Variants in ARNT2 observed in about 807,000 individuals in gnomAD.
The protein encoded by ARNT2 is aryl hydrocarbon receptor nuclear translocator 2, also known as ARNT protein 2.
Under a neutral mutation model 91.7 loss-of-function variants are expected in ARNT2, and 36 were observed. The ratio of observed to expected loss-of-function variants is 0.39; its 90% CI spans 0.30 to 0.52. The LOEUF is 0.52. ARNT2 is among the 20% of genes least tolerant of loss of function. ARNT2 has a pLI of 0.72. For synonymous variants in ARNT2, 365 were observed against 347.1 expected, an observed-to-expected ratio of 1.05 and a Z score of -0.57; for missense variants, 775 against 939.3, an observed-to-expected ratio of 0.83 and a Z score of 2.29.
intron 2 of ARNT2, among the ~76,000 whole-genome samples, chr15:80,457,375 C>T (rs891873681): frequency 6.6e-6 from 1 of 152,188 alleles, no homozygotes; most frequent in African/African-American, 2.4e-5. Flanking sequence ...ATGTCCTTTT[C>T]ACTTTGACTC....
chr15:80,439,266 A>G (rs1180367025), intron 1 of ARNT2, among the ~76,000 whole-genome samples: 2 of 152,156 alleles, frequency 1.3e-5, no homozygotes, highest in Non-Finnish European at 2.9e-5. Context: ...TATTTGTAGT[A>G]TTGATGTTGT....
At chr15:80,581,123 G>A (rs1305213879) in intron 16 of ARNT2, 116 bp from the exon 17 acceptor site, 4 of 1,252,742 alleles carry the variant, frequency 3.2e-6, no homozygotes, top group Non-Finnish European at 4.6e-6. Flanking sequence ...GAGGGTCATG[G>A]GGAGTCACTG....
At chr15:80,418,043 T>A (rs1895811885) in intron 1 of ARNT2, among the ~76,000 whole-genome samples, 1 of 152,186 alleles carries the variant, frequency 6.6e-6, no homozygotes, top group Admixed American at 6.5e-5. Context: ...ACACAGTAGG[T>A]GCTCTGTAAG....
chr15:80,526,245 TA>T (rs1897638566), intron 8 of ARNT2, among the ~76,000 whole-genome samples: 1 of 152,338 alleles, frequency 6.6e-6, no homozygotes, highest in South Asian at 2.1e-4. Context: ...GGAAGAGTTC[TA>T]AAGTCAATCA....
intron 15 of ARNT2, among the ~76,000 whole-genome samples, chr15:80,577,418 A>T (rs116726671): frequency 0.019 from 2,869 of 152,290 alleles, 101 homozygotes; most frequent in African/African-American, 0.065. Flanking sequence ...CAGGGTGTCC[A>T]ACCTTCCCAA....
At chr15:80,510,631 C>T (rs903208383) in intron 6 of ARNT2, among the ~76,000 whole-genome samples, 2 of 151,854 alleles carry the variant, frequency 1.3e-5, no homozygotes, top group African/African-American at 4.8e-5. Flanking sequence ...GAGATCAAGA[C>T]TATCCTGGCC....
chr15:80,502,475 C>A (rs1897213673), intron 5 of ARNT2, among the ~76,000 whole-genome samples: 1 of 152,142 alleles, frequency 6.6e-6, no homozygotes. Context: ...GGAGGAGAGA[C>A]CCAGAGGTGG....
intron 8 of ARNT2, among the ~76,000 whole-genome samples, chr15:80,541,992 C>T (rs962106934): frequency 1.3e-5 from 2 of 152,180 alleles, no homozygotes; most frequent in Admixed American, 6.6e-5. Context: ...GTGTCAGGGC[C>T]TCCTTTACAA....
intron 1 of ARNT2, among the ~76,000 whole-genome samples, chr15:80,406,955 T>G (rs996608650): frequency 3.9e-5 from 6 of 152,164 alleles, no homozygotes; most frequent in African/African-American, 1.4e-4. Context: ...GGCTCAGGGT[T>G]TGAGCCAAAG....
In ARNT2 at chr15:80,589,608, G is replaced by A. The variant is rs188036959; in HGVS notation, c.1919-1960G>A. ...GCCAAGCAACATGGACCCACTGAAG[G>A]CCCCATCTTGTGCTCAGCCTCTGCA... On this transcript the variant is annotated intron_variant, in intron 17 of 18. Coordinates refer to ENST00000303329, the MANE Select transcript of ARNT2 (RefSeq NM_014862.4). Among the ~76,000 whole-genome samples the A allele has an allele frequency of 3.5e-3, 529 of 152,272 alleles. 4 individuals carry two copies. The highest frequency in any genetic ancestry group is 0.012 in the African/African-American group (501 of 41,562).
intron 8 of ARNT2, among the ~76,000 whole-genome samples, chr15:80,528,144 G>A (rs1020040069): frequency 5.9e-5 from 9 of 152,168 alleles, no homozygotes; most frequent in African/African-American, 2.2e-4. Context: ...GAGAGTTTAT[G>A]AGAGCTGGGA....
chr15:80,489,532 C>T (rs1484903989), intron 5 of ARNT2, among the ~76,000 whole-genome samples: 2 of 152,180 alleles, frequency 1.3e-5, no homozygotes, highest in Non-Finnish European at 2.9e-5. Context: ...GTTCTAAGGA[C>T]CTGAACTCAC....
intron 12 of ARNT2, among the ~76,000 whole-genome samples, chr15:80,564,276 C>G (rs1898431631): frequency 6.6e-6 from 1 of 152,174 alleles, no homozygotes; most frequent in South Asian, 2.1e-4. Flanking sequence ...TCGGTAGCCT[C>G]CCTGGGATTC....
intron 17 of ARNT2, among the ~76,000 whole-genome samples, chr15:80,583,132 A>T (rs1319209738): frequency 6.6e-6 from 1 of 152,224 alleles, no homozygotes; most frequent in Non-Finnish European, 1.5e-5. Flanking sequence ...GGAGACAGAC[A>T]GAGGTAAAGG....
chr15:80,425,242 C>CT lies in ARNT2; in HGVS notation c.31+20699dup, dbSNP rs541299447. Among the ~76,000 whole-genome samples the CT allele has an allele frequency of 1.5e-4, 23 of 152,268 alleles. No individual in the cohort carries two copies. In the South Asian group the frequency reaches 4.8e-3, roughly 32 times the overall value. On this transcript the variant is annotated intron_variant, in intron 1 of 18. Transcript: ENST00000303329. ...GGAGGATCCTAGAGTGTTGTGCAGTCTTTGACTTCTGAAATATACAGAAGA... is the reference window on the plus strand; with the variant it reads ...GGAGGATCCTAGAGTGTTGTGCAGTCTTTTGACTTCTGAAATATACAGAAGA...
intron 5 of ARNT2, among the ~76,000 whole-genome samples, chr15:80,489,678 T>C (rs1288829798): frequency 6.6e-6 from 1 of 152,212 alleles, no homozygotes; most frequent in Non-Finnish European, 1.5e-5. Context: ...CCTCAGAAGA[T>C]AGCCCTTTCT....
chr15:80,561,748 C>T (rs1210470151), intron 11 of ARNT2, among the ~76,000 whole-genome samples: 1 of 152,180 alleles, frequency 6.6e-6, no homozygotes, highest in Admixed American at 6.5e-5. Flanking sequence ...TCACTACCTG[C>T]CCAGTAGTCT....
At chr15:80,459,386 G>C (rs1167840037) in intron 3 of ARNT2, among the ~76,000 whole-genome samples, 1 of 152,164 alleles carries the variant, frequency 6.6e-6, no homozygotes, top group Non-Finnish European at 1.5e-5. Flanking sequence ...GTGCTTTCTT[G>C]CTGAAATGGA....
At position 80,471,586 on chromosome 15, in the gene ARNT2, G is replaced by A. The variant is rs555500403; in HGVS notation, c.408+1155G>A. ...CAGCAGTAGTGATAATAGTAGCCGC[G>A]ATCAGAGCACTTAGCCGGCCGGCAT... On this transcript the variant is annotated intron_variant, in intron 4 of 18. Coordinates refer to ENST00000303329, the MANE Select transcript of ARNT2 (RefSeq NM_014862.4). 9.2e-5 allele frequency among the ~76,000 whole-genome samples: 14 copies of A among 152,276 alleles called. No homozygotes were observed. The South Asian group carries it at 2.3e-3, about 25-fold the overall frequency.
Sources: gnomAD v4.1 joint callset for allele counts (sites outside exome capture counted in the v4.1 genomes callset) on GRCh38, gnomAD v4.1.1 for gene constraint, MANE v1.5 for transcripts, NCBI Gene and HGNC (gene_info 2026-07-23, HGNC 2026-07-21) for gene names.